The following GRM7 variants were observed in gnomAD, a reference collection of about 807,000 sequenced individuals.
The protein encoded by GRM7 is glutamate metabotropic receptor 7, also known as metabotropic glutamate receptor 7.
Under a neutral mutation model 84.5 loss-of-function variants are expected in GRM7, and 35 were observed. The observed-to-expected ratio is 0.41, with a 90% CI of 0.32 to 0.55. The LOEUF is 0.55. Among genes scored for constraint, GRM7 ranks in the 20% least tolerant of loss-of-function variants. The probability of loss-of-function intolerance (pLI) is 0.19; values close to 1 mark genes in which losing one functional copy is unlikely to be tolerated. For missense variants in GRM7, 1,003 were observed against 1,194.6 expected (o/e 0.84, Z 2.36); for synonymous variants, 487 against 455.1 (o/e 1.07, Z -0.89).
At chr3:7,559,548 T>C (rs1054865695) in intron 7 of GRM7, among the ~76,000 whole-genome samples, 4 of 152,050 alleles carry the variant, frequency 2.6e-5, no homozygotes, top group African/African-American at 9.7e-5. Flanking sequence ...AGAATCTTGG[T>C]ATGGATGTGT....
chr3:7,635,528 A>G (rs3864067), intron 8 of GRM7, among the ~76,000 whole-genome samples: 105,438 of 152,022 alleles, frequency 0.69, 36,797 homozygotes, highest in South Asian at 0.84. Flanking sequence ...CACTGAAAGC[A>G]ATAGTCTGCC....
chr3:7,285,849 C>G (rs948318982), intron 2 of GRM7, among the ~76,000 whole-genome samples: 5 of 152,064 alleles, frequency 3.3e-5, no homozygotes, highest in Non-Finnish European at 7.4e-5. Flanking sequence ...TCTAATTTAT[C>G]TCTTAATTTC....
chr3:7,462,449 G>C (rs976585306), intron 7 of GRM7, among the ~76,000 whole-genome samples: 27 of 152,076 alleles, frequency 1.8e-4, no homozygotes, highest in Admixed American at 1.7e-3. Context: ...CAACTATCAG[G>C]GCACTGCATG....
rs1422653443 is a variant in GRM7, at chr3:7,740,370, A to G, written c.2712A>G (p.Lys904=). 6.3e-7 allele frequency: 1 copy of G among 1,591,156 alleles called. No individual in the cohort carries two copies. Among genetic ancestry groups the G allele is most frequent in the South Asian group, 1.1e-5 (1 of 89,280 alleles). The change falls in exon 10 of 10, where the codon AAA becomes AAG. Residue 904 remains lysine (K), a synonymous_variant. Transcript: ENST00000357716. ...ENVDPNSPAA[K]KKYVSYNNLV... is the part of the protein sequence containing the mutation. ...TTTTTCTTTCAGGCCCTGCTGCAAA[A>G]AAGAAGTATGTCAGTTATAATAACC... is the stretch of plus-strand genomic sequence containing the variant.
chr3:7,675,888 G>T (rs1473322489), intron 8 of GRM7, among the ~76,000 whole-genome samples: 1 of 152,078 alleles, frequency 6.6e-6, no homozygotes, highest in Non-Finnish European at 1.5e-5. Context: ...ATATTAATTG[G>T]TTACTTCTTC....
chr3:7,202,024 C>T (rs538934920), intron 2 of GRM7, among the ~76,000 whole-genome samples: 2 of 151,976 alleles, frequency 1.3e-5, no homozygotes, highest in Non-Finnish European at 2.9e-5. Context: ...CTTACAGGAA[C>T]TTTAATGCAT....
In GRM7 at chr3:7,197,751, G is replaced by A. The variant is rs868327948; in HGVS notation, c.736+51083G>A. Among the ~76,000 whole-genome samples the A allele has an allele frequency of 7.3e-5, 11 of 151,708 alleles. No individual in the cohort carries two copies. In the South Asian group the frequency reaches 2.3e-3, roughly 32 times the overall value. On this transcript the variant is annotated intron_variant, in intron 2 of 9. Transcript: ENST00000357716. The stretch of plus-strand genomic sequence containing the variant: ...GAACAACTTCAAGTTTCTGGTGTTA[G>A]AGAATATCTTATAGGCCAGTTAGTG...
chr3:7,395,357 T>A (rs576970142), intron 4 of GRM7, among the ~76,000 whole-genome samples: 2 of 152,326 alleles, frequency 1.3e-5, no homozygotes, highest in South Asian at 4.1e-4. Flanking sequence ...TTTCTCATAA[T>A]AAATTTAAAA....
At chr3:7,271,311 A>G (rs1354894165) in intron 2 of GRM7, among the ~76,000 whole-genome samples, 4 of 152,002 alleles carry the variant, frequency 2.6e-5, no homozygotes, top group Non-Finnish European at 5.9e-5. Context: ...TGTAATCCCA[A>G]CACTTTGGGA....
intron 3 of GRM7, among the ~76,000 whole-genome samples, chr3:7,299,268 A>G (rs1260573347): frequency 6.6e-6 from 1 of 152,126 alleles, no homozygotes; most frequent in Non-Finnish European, 1.5e-5. Flanking sequence ...TCTTTTCAGA[A>G]CTTGATCTTT....
At chr3:7,318,905 T>A (rs1700674883) in intron 4 of GRM7, among the ~76,000 whole-genome samples, 1 of 152,092 alleles carries the variant, frequency 6.6e-6, no homozygotes, top group African/African-American at 2.4e-5. Flanking sequence ...AAGAGCTGAC[T>A]GCTTTTTTCT....
At chr3:7,081,166 C>T (rs766579643) in intron 1 of GRM7, among the ~76,000 whole-genome samples, 9 of 151,938 alleles carry the variant, frequency 5.9e-5, no homozygotes, top group South Asian at 2.1e-4. Flanking sequence ...TTATGCCTCA[C>T]GTTATTGCAT....
chr3:7,203,944 G>GA (rs1696149620), intron 2 of GRM7, among the ~76,000 whole-genome samples: 1 of 152,158 alleles, frequency 6.6e-6, no homozygotes, highest in South Asian at 2.1e-4. Flanking sequence ...TAAGAGTACA[G>GA]AAATAGTCAG....
At position 6,864,197 on chromosome 3, in the gene GRM7, T is replaced by C. The variant is rs1694863833; in HGVS notation, c.519+2290T>C. Reference sequence around the variant, plus strand: ...GAATAGCTGAGGGAAAAAGAGCCCCTAGTTTTCACCTGCGTTTATGGAGAA... The same window carrying C: ...GAATAGCTGAGGGAAAAAGAGCCCCCAGTTTTCACCTGCGTTTATGGAGAA... On this transcript the variant is annotated intron_variant, in intron 1 of 9. Coordinates refer to ENST00000357716, the MANE Select transcript of GRM7 (RefSeq NM_000844.4). 2.6e-5 allele frequency among the ~76,000 whole-genome samples: 4 copies of C among 152,194 alleles called. 1 individual carries two copies. The South Asian group carries it at 8.3e-4, about 31-fold the overall frequency.
At chr3:7,515,152 CAA>C (rs1700330178) in intron 7 of GRM7, among the ~76,000 whole-genome samples, 1 of 146,230 alleles carries the variant, frequency 6.8e-6, no homozygotes, top group Non-Finnish European at 1.5e-5. Flanking sequence ...GTGAAATGCC[CAA>C]GAGATGCCAG....
intron 4 of GRM7, among the ~76,000 whole-genome samples, chr3:7,335,040 A>G (rs976247746): frequency 7.2e-5 from 11 of 152,174 alleles, no homozygotes; most frequent in Admixed American, 7.2e-4. Context: ...AATGGGCTTA[A>G]GCTATACACT....
At chr3:7,346,915 C>T (rs1692918539) in intron 4 of GRM7, among the ~76,000 whole-genome samples, 1 of 152,066 alleles carries the variant, frequency 6.6e-6, no homozygotes, top group African/African-American at 2.4e-5. Flanking sequence ...CTAATACCTA[C>T]TTTGGGACTT....
intron 1 of GRM7, among the ~76,000 whole-genome samples, chr3:7,134,550 C>G (rs536199089): frequency 5.9e-5 from 9 of 152,230 alleles, no homozygotes; most frequent in African/African-American, 2.2e-4. Flanking sequence ...CTTGATATTG[C>G]AATTCCTTGT....
intron 1 of GRM7, among the ~76,000 whole-genome samples, chr3:6,883,657 T>C (rs1695590885): frequency 6.6e-6 from 1 of 152,206 alleles, no homozygotes; most frequent in Non-Finnish European, 1.5e-5. Flanking sequence ...GTTGTATACT[T>C]GTCATCAGAT....
Sources: allele counts gnomAD v4.1 joint callset (sites outside exome capture counted in the v4.1 genomes callset), GRCh38; gene constraint gnomAD v4.1.1; transcripts MANE v1.5; gene names NCBI Gene and HGNC (gene_info 2026-07-23, HGNC 2026-07-21).